Variants in EFHB observed in about 807,000 individuals in gnomAD.
EFHB encodes EF-hand domain family member B.
Under a neutral mutation model 87.2 loss-of-function variants are expected in EFHB, and 91 were observed. The observed-to-expected ratio is 1.04, with a 90% confidence interval of 0.88 to 1.24. The LOEUF (loss-of-function observed/expected upper bound fraction) is 1.24, where lower values mean the gene tolerates loss of function less well. Among genes scored for constraint, EFHB ranks in the 50% most tolerant of loss-of-function variants. EFHB has a pLI of 0.00. For synonymous variants in EFHB, 325 were observed against 333.6 expected, an observed-to-expected ratio of 0.97 and a Z score of 0.28; for missense variants, 1,084 against 998.8, an observed-to-expected ratio of 1.09 and a Z score of -1.15.
chr3:19,919,062 G>T (rs545123939), intron 3 of EFHB, among the ~76,000 whole-genome samples: 2 of 151,494 alleles, frequency 1.3e-5, no homozygotes, highest in East Asian at 3.9e-4. Flanking sequence ...TTCAGATATA[G>T]AGATCAGGTC....
Position 19,898,818 on chromosome 3 carries a change from T to C in EFHB, c.1530A>G (p.Pro510=). ...GGAGACAAGCTCCAAATGTGCAGTC[T>C]GGGGGAACATTCATTGTTTCTGCAA... ...DPIAETMNVP[P]DCTFGACLRP... Residue 510 remains proline (P), a synonymous_variant, in exon 8 of 13, where the codon CCA becomes CCG. Transcript: ENST00000295824. 6.2e-7 allele frequency: 1 copy of C among 1,613,862 alleles called. No homozygotes were observed. Among genetic ancestry groups the C allele is most frequent in the Non-Finnish European group, 8.5e-7 (1 of 1,179,830 alleles).
At chr3:19,891,297 C>A (rs561848934) in intron 9 of EFHB, among the ~76,000 whole-genome samples, 17 of 152,286 alleles carry the variant, frequency 1.1e-4, no homozygotes, top group Non-Finnish European at 2.4e-4. Flanking sequence ...CTCAAACTAT[C>A]CTCCTGCCTC....
chr3:19,931,442 C>T (rs1303055715), intron 1 of EFHB, among the ~76,000 whole-genome samples: 2 of 152,156 alleles, frequency 1.3e-5, no homozygotes, highest in Non-Finnish European at 2.9e-5. Context: ...AGAACCAATC[C>T]AGAAATGGGA....
upstream of EFHB, among the ~76,000 whole-genome samples, chr3:19,936,888 T>G (rs961908350): frequency 2.1e-5 from 3 of 140,528 alleles, no homozygotes; most frequent in African/African-American, 8.7e-5. Context: ...AATAAATAAA[T>G]AAATAAATAA....
chr3:19,933,170 T>A, intron 1 of EFHB, 60 bp downstream of exon 1: 1 of 1,490,370 alleles, frequency 6.7e-7, no homozygotes, highest in Non-Finnish European at 9.0e-7. Flanking sequence ...CACTTTATCA[T>A]CTCAATAAAG....
chr3:19,916,899 C>A (rs1028249661), intron 4 of EFHB, among the ~76,000 whole-genome samples: 1 of 152,010 alleles, frequency 6.6e-6, no homozygotes, highest in Non-Finnish European at 1.5e-5. Flanking sequence ...TAAAGCAGAA[C>A]TTCTTTTTGA....
chr3:19,945,579 GT>G (rs935987914), intron 1 of EFHB, among the ~76,000 whole-genome samples: 7 of 152,098 alleles, frequency 4.6e-5, no homozygotes, highest in Admixed American at 3.9e-4. Flanking sequence ...GCAGAAGCAG[GT>G]TTGGAGTGGA....
chr3:19,896,467 T>G (rs1318342938), intron 9 of EFHB: 2 of 636,536 alleles, frequency 3.1e-6, no homozygotes, highest in African/African-American at 3.6e-5. Context: ...ATACAGTTTT[T>G]GTTGCTACTA....
At chr3:19,925,984 T>C (rs1478183296) in intron 1 of EFHB, among the ~76,000 whole-genome samples, 1 of 152,142 alleles carries the variant, frequency 6.6e-6, no homozygotes, top group Middle Eastern at 3.2e-3. Context: ...ATTATGCAAA[T>C]AAAAACATCC....
intron 1 of EFHB, among the ~76,000 whole-genome samples, chr3:19,925,236 C>A (rs1207830454): frequency 7.3e-6 from 1 of 136,366 alleles, no homozygotes; most frequent in African/African-American, 3.0e-5. Flanking sequence ...AGCTAGACTC[C>A]TTCTCAAAAA....
intron 1 of EFHB, among the ~76,000 whole-genome samples, chr3:19,921,078 G>A (rs1695421116): frequency 6.6e-6 from 1 of 152,126 alleles, no homozygotes; most frequent in Admixed American, 6.6e-5. Flanking sequence ...ATTTAAAACT[G>A]AGAGAAAGAA....
intron 11 of EFHB, among the ~76,000 whole-genome samples, chr3:19,884,068 T>A (rs1448072085): frequency 6.6e-6 from 1 of 152,212 alleles, no homozygotes; most frequent in Non-Finnish European, 1.5e-5. Flanking sequence ...GGCAGATATG[T>A]ATGGAGCTAA....
intron 1 of EFHB, among the ~76,000 whole-genome samples, chr3:19,921,352 G>A (rs559465373): frequency 2.6e-5 from 4 of 152,026 alleles, no homozygotes; most frequent in African/African-American, 9.6e-5. Flanking sequence ...GTATAAAAGA[G>A]GAAGCCCACA....
intron 5 of EFHB, among the ~76,000 whole-genome samples, chr3:19,913,503 C>G (rs1042260738): frequency 6.6e-6 from 1 of 152,092 alleles, no homozygotes; most frequent in East Asian, 1.9e-4. Context: ...TCAAAGATTT[C>G]TATAATGAAA....
intron 6 of EFHB, among the ~76,000 whole-genome samples, chr3:19,904,998 G>A (rs1001704740): frequency 3.9e-5 from 6 of 152,134 alleles, no homozygotes; most frequent in African/African-American, 1.4e-4. Context: ...GTTTTCTAAG[G>A]AAGTAGTCTT....
chr3:19,929,708 C>CA (rs34016968), intron 1 of EFHB, among the ~76,000 whole-genome samples: 31,251 of 79,566 alleles, frequency 0.39, 6,974 homozygotes, highest in African/African-American at 0.48. Flanking sequence ...GACTCCATCT[C>CA]AAAAAAAAAA....
intron 1 of EFHB, among the ~76,000 whole-genome samples, chr3:19,922,610 C>T (rs894979223): frequency 7.9e-5 from 12 of 152,160 alleles, no homozygotes; most frequent in Non-Finnish European, 1.8e-4. Flanking sequence ...AGCCAGCCCT[C>T]TAGCCAGTGG....
At chr3:19,914,218 C>T (rs868868211) in intron 5 of EFHB, among the ~76,000 whole-genome samples, 22 of 152,172 alleles carry the variant, frequency 1.4e-4, no homozygotes, top group Admixed American at 2.6e-4. Context: ...AGTGAGCCAC[C>T]GCACCCAGAC....
At chr3:19,928,958 G>T (rs893587849) in intron 1 of EFHB, among the ~76,000 whole-genome samples, 5 of 151,572 alleles carry the variant, frequency 3.3e-5, no homozygotes, top group Non-Finnish European at 7.4e-5. Flanking sequence ...TCAGCAAGGT[G>T]ACCACACACA....
Sources: gnomAD v4.1 joint callset for allele counts (sites outside exome capture counted in the v4.1 genomes callset) on GRCh38, gnomAD v4.1.1 for gene constraint, MANE v1.5 for transcripts, NCBI Gene and HGNC (gene_info 2026-07-23, HGNC 2026-07-21) for gene names.